The following SCHIP1 variants were observed in gnomAD, a reference collection of about 807,000 sequenced individuals.
SCHIP1 encodes schwannomin interacting protein 1.
In SCHIP1, 8 loss-of-function variants were observed where a neutral mutation model predicts 29.7. The observed-to-expected ratio is 0.27, with a 90% CI of 0.16 to 0.49. The LOEUF is 0.49. SCHIP1 is among the 20% of genes least tolerant of loss of function. The pLI, the probability that SCHIP1 is intolerant of heterozygous loss-of-function variation, is 0.99. For missense variants in SCHIP1, 193 were observed against 294.6 expected, an observed-to-expected ratio of 0.66 and a Z score of 2.52; for synonymous variants, 76 against 94.9, an observed-to-expected ratio of 0.80 and a Z score of 1.16.
At chr3:159,722,596 CATGTGT>C in the SCHIP1 span, among the ~76,000 whole-genome samples, 468 of 152,006 alleles carry the variant, frequency 3.1e-3, 3 homozygotes, top group Middle Eastern at 0.01. Flanking sequence ...TGTGTGTGTG[CATGTGT>C]ATGTGTATGT....
chr3:159,498,957 T>G, the SCHIP1 span, among the ~76,000 whole-genome samples: 1 of 151,906 alleles, frequency 6.6e-6, no homozygotes, highest in Non-Finnish European at 1.5e-5. Context: ...AAGAGTGGAG[T>G]CTTCATTGGC....
the SCHIP1 span, among the ~76,000 whole-genome samples, chr3:159,611,586 C>G: frequency 6.6e-5 from 10 of 152,050 alleles, no homozygotes; most frequent in African/African-American, 2.4e-4. Context: ...GTATGCAGGG[C>G]TTAAAACCTA....
At chr3:159,699,985 A>G in the SCHIP1 span, among the ~76,000 whole-genome samples, 1 of 152,140 alleles carries the variant, frequency 6.6e-6, no homozygotes, top group African/African-American at 2.4e-5. Flanking sequence ...AATGGGTGCA[A>G]TTGGTGCTAA....
At chr3:159,548,493 A>AT in the SCHIP1 span, among the ~76,000 whole-genome samples, 5 of 151,676 alleles carry the variant, frequency 3.3e-5, no homozygotes, top group Admixed American at 6.6e-5. Flanking sequence ...ACCAAAAATC[A>AT]TTTTTTTCTT....
At chr3:159,339,102 C>A in the SCHIP1 span, among the ~76,000 whole-genome samples, 3 of 151,968 alleles carry the variant, frequency 2.0e-5, no homozygotes, top group Non-Finnish European at 4.4e-5. Flanking sequence ...GATGAAACAA[C>A]CAAATGAAGC....
chr3:159,676,598 C>T, the SCHIP1 span, among the ~76,000 whole-genome samples: 8 of 152,190 alleles, frequency 5.3e-5, no homozygotes, highest in East Asian at 3.9e-4. Flanking sequence ...ATGGAGTTTC[C>T]GGGGTAAACA....
chr3:159,498,315 A>G, the SCHIP1 span, among the ~76,000 whole-genome samples: 1 of 152,310 alleles, frequency 6.6e-6, no homozygotes, highest in South Asian at 2.1e-4. Flanking sequence ...AAGAGCAGCA[A>G]TTTTATCCAT....
chr3:159,392,163 TTA>T, the SCHIP1 span, among the ~76,000 whole-genome samples: 1 of 152,146 alleles, frequency 6.6e-6, no homozygotes, highest in Non-Finnish European at 1.5e-5. Flanking sequence ...TCAGCTTTAG[TTA>T]TTTCATTCAC....
chr3:159,525,701 A>G, the SCHIP1 span, among the ~76,000 whole-genome samples: 1 of 152,194 alleles, frequency 6.6e-6, no homozygotes, highest in Non-Finnish European at 1.5e-5. Flanking sequence ...CCTTTGATTT[A>G]AAATATTCAT....
At chr3:159,559,157 T>A in the SCHIP1 span, among the ~76,000 whole-genome samples, 1 of 152,084 alleles carries the variant, frequency 6.6e-6, no homozygotes, top group Non-Finnish European at 1.5e-5. Context: ...TAAAAAGAAG[T>A]TTCTCTCTCA....
At chr3:159,613,385 A>G in the SCHIP1 span, among the ~76,000 whole-genome samples, 1 of 152,242 alleles carries the variant, frequency 6.6e-6, no homozygotes, top group South Asian at 2.1e-4. Context: ...TGGCAATATA[A>G]AAACAATCAA....
At chr3:159,339,150 C>T in the SCHIP1 span, among the ~76,000 whole-genome samples, 1 of 151,834 alleles carries the variant, frequency 6.6e-6, no homozygotes, top group South Asian at 2.1e-4. Flanking sequence ...CATGGCTATT[C>T]CATCAAAGAA....
At chr3:159,510,238 C>A in the SCHIP1 span, among the ~76,000 whole-genome samples, 7 of 152,016 alleles carry the variant, frequency 4.6e-5, no homozygotes, top group Non-Finnish European at 1.0e-4. Context: ...TCACTGATAC[C>A]CTTTCTTCCA....
chr3:159,856,299 G>A (rs916299542), intron 1 of SCHIP1, among the ~76,000 whole-genome samples: 8 of 152,230 alleles, frequency 5.3e-5, no homozygotes, highest in African/African-American at 1.4e-4. Context: ...GGAGCTGACC[G>A]TCCCAATGGG....
At chr3:159,273,341 A>G in the SCHIP1 span, 19 of 986,984 alleles carry the variant, frequency 1.9e-5, no homozygotes, top group South Asian at 9.4e-5. Context: ...ACCTGTTTAC[A>G]TGGTGTGTGC....
chr3:159,719,041 A>G, the SCHIP1 span, among the ~76,000 whole-genome samples: 1 of 152,198 alleles, frequency 6.6e-6, no homozygotes, highest in South Asian at 2.1e-4. Flanking sequence ...AGAGATATAG[A>G]CCAATGGAAC....
the SCHIP1 span, among the ~76,000 whole-genome samples, chr3:159,670,328 T>C: frequency 2.0e-5 from 3 of 152,234 alleles, no homozygotes; most frequent in Non-Finnish European, 4.4e-5. Flanking sequence ...GTGTATCTAG[T>C]TGTTTTCAAT....
chr3:159,500,418 G>GA, the SCHIP1 span, among the ~76,000 whole-genome samples: 3 of 151,872 alleles, frequency 2.0e-5, no homozygotes, highest in Non-Finnish European at 4.4e-5. Flanking sequence ...GCCCTTAAAA[G>GA]AAAAAAGAGA....
the SCHIP1 span, among the ~76,000 whole-genome samples, chr3:159,485,571 A>G: frequency 6.6e-6 from 1 of 152,160 alleles, no homozygotes; most frequent in Admixed American, 6.5e-5. Flanking sequence ...TTGTGAGGAG[A>G]AAATTAAAGT....
Sources: gnomAD v4.1 joint callset for allele counts (sites outside exome capture counted in the v4.1 genomes callset) on GRCh38, gnomAD v4.1.1 for gene constraint, MANE v1.5 for transcripts, NCBI Gene and HGNC (gene_info 2026-07-23, HGNC 2026-07-21) for gene names.